Variants in DPYSL2 observed in about 807,000 individuals in gnomAD.
DPYSL2 encodes dihydropyrimidinase like 2, also known as dihydropyrimidinase-related protein 2.
A neutral mutation model predicts 69.9 loss-of-function variants in DPYSL2; 13 were observed. The observed-to-expected ratio is 0.19, with a 90% confidence interval of 0.12 to 0.30. The LOEUF is 0.30. DPYSL2 is among the 10% of genes least tolerant of loss of function. The pLI, the probability that DPYSL2 is intolerant of heterozygous loss-of-function variation, is 1.00. For missense variants in DPYSL2, 587 were observed against 918.9 expected (o/e 0.64, Z 4.67); for synonymous variants, 326 against 359.1 (o/e 0.91, Z 1.04).
chr8:26,643,444 G>C lies in DPYSL2; in HGVS notation c.1132G>C (p.Val378Leu). ...TTGTGTGTTCTGTTTGTCAGGAACT[G>C]TGGTGTATGGCGAGCCCATCACTGC... is the stretch of plus-strand genomic sequence containing the variant. ...VIAQARKKGT[V>L]VYGEPITASL... is the part of the protein sequence containing the mutation. The change falls in exon 9 of 14, where the codon GTG becomes CTG. Residue 378 changes from valine to leucine, a missense_variant. Physicochemically the swap from Val to Leu is conservative, Grantham distance 32 (BLOSUM62 1). Coordinates refer to ENST00000521913, the MANE Select transcript of DPYSL2 (RefSeq NM_001197293.3). This position sits in a 1 kb window ranked among gnomAD's most constrained non-coding sequence, Gnocchi z 6.5. 1 of 1,589,832 alleles carries C rather than the reference G, an allele frequency of 6.3e-7. No homozygotes were observed. Among genetic ancestry groups the C allele is most frequent in the Non-Finnish European group, 8.6e-7 (1 of 1,168,784 alleles).
At chr8:26,618,927 C>T (rs982557177) in intron 3 of DPYSL2, among the ~76,000 whole-genome samples, 1 of 151,988 alleles carries the variant, frequency 6.6e-6, no homozygotes, top group African/African-American at 2.4e-5. Flanking sequence ...CACTGCACTC[C>T]AGCCTGGGCA....
chr8:26,630,043 A>G (rs1264401788), intron 7 of DPYSL2, among the ~76,000 whole-genome samples: 2 of 151,978 alleles, frequency 1.3e-5, no homozygotes, highest in East Asian at 3.8e-4. Context: ...ACATTTTAGC[A>G]TACGCACATG....
At chr8:26,589,883 C>T (rs1406768924) in intron 3 of DPYSL2, among the ~76,000 whole-genome samples, 2 of 152,378 alleles carry the variant, frequency 1.3e-5, no homozygotes, top group East Asian at 3.9e-4. Flanking sequence ...CAGTCATTCC[C>T]CCAGTGCCTT....
At position 26,597,322 on chromosome 8, in the gene DPYSL2, C is replaced by A. The variant is rs1317807216; in HGVS notation, c.628+13339C>A. ...GGGGCCAGATTGAGCTGATTTCTGT[C>A]ACGTAGGCTGCTCCGAGGTTGCCTT... On this transcript the variant is annotated intron_variant, in intron 3 of 13. Coordinates refer to ENST00000521913, the MANE Select transcript of DPYSL2 (RefSeq NM_001197293.3). The surrounding 1 kb of genome is among the most constrained non-coding windows in gnomAD (Gnocchi z 5.2). 2.0e-5 allele frequency among the ~76,000 whole-genome samples: 3 copies of A among 152,222 alleles called. No homozygotes were observed. Among genetic ancestry groups the A allele is most frequent in the Non-Finnish European group, 4.4e-5 (3 of 68,032 alleles).
Position 26,657,580 on chromosome 8 carries a change from T to TA in DPYSL2, c.*1881dup, listed in dbSNP as rs1025168988. Reference sequence around the variant, plus strand: ...TTATTTTAAAGGTAAATTGCACTTTTAAAAAAATAATTGGTTGACTTAATA... The same window carrying TA: ...TTATTTTAAAGGTAAATTGCACTTTTAAAAAAAATAATTGGTTGACTTAATA... On this transcript the variant is annotated 3_prime_UTR_variant, in exon 14 of 14. Coordinates refer to ENST00000521913, the MANE Select transcript of DPYSL2 (RefSeq NM_001197293.3). The TA allele has an allele frequency of 6.6e-6, 1 of 152,608 alleles. No individual in the cohort carries two copies. Among genetic ancestry groups the TA allele is most frequent in the Non-Finnish European group, 1.5e-5 (1 of 68,034 alleles). 9.5% of individuals were successfully genotyped at this position (152,608 alleles called of 1,614,324 possible).
chr8:26,520,461 G>A (rs1421976509), intron 1 of DPYSL2, among the ~76,000 whole-genome samples: 1 of 131,938 alleles, frequency 7.6e-6, no homozygotes, highest in Non-Finnish European at 1.6e-5. Context: ...TTGCAAAAAA[G>A]TTCTGAATGC....
At position 26,647,488 on chromosome 8, in the gene DPYSL2, A is replaced by G; in HGVS notation, c.1426-142A>G. ...GGAGTCATACAGTGTGTGACCTTTG[A>G]GACGGTTTGTGTTTCACTTGGCACA... On this transcript the variant is annotated intron_variant, in intron 10 of 13. Coordinates refer to ENST00000521913, the MANE Select transcript of DPYSL2 (RefSeq NM_001197293.3). The surrounding 1 kb of genome is among the most constrained non-coding windows in gnomAD (Gnocchi z 5.1). The G allele has an allele frequency of 3.5e-6, 3 of 848,782 alleles. No individual in the cohort carries two copies. In the Admixed American group the frequency reaches 7.3e-5, roughly 21 times the overall value. The allele number at this position is 848,782 out of a possible 1,614,324, so 52.6% of individuals were successfully genotyped here.
In DPYSL2 at chr8:26,610,998, A is replaced by C. The variant is rs952089268; in HGVS notation, c.629-13145A>C. Among the ~76,000 whole-genome samples the C allele has an allele frequency of 6.6e-6, 1 of 151,910 alleles. No homozygotes were observed. Among genetic ancestry groups the C allele is most frequent in the African/African-American group, 2.4e-5 (1 of 41,354 alleles). On this transcript the variant is annotated intron_variant, in intron 3 of 13. Transcript: ENST00000521913. This position sits in a 1 kb window ranked among gnomAD's most constrained non-coding sequence, Gnocchi z 4.5. The stretch of plus-strand genomic sequence containing the variant: ...CTGGGGTGTAAACTCAGGCTTTCTG[A>C]CTCCAAAGTTCATATTTTTAATCCC...
rs551119187 is a variant in DPYSL2 at position 26,643,126 on chromosome 8, C to G, written c.1127-313C>G. Reference sequence around the variant, plus strand: ...ACCGGATGCCTGGACACCATCCGAGCAGGAGATTAATGGAATTGAAAATCA... The same window carrying G: ...ACCGGATGCCTGGACACCATCCGAGGAGGAGATTAATGGAATTGAAAATCA... On this transcript the variant is annotated intron_variant, in intron 8 of 13. Transcript: ENST00000521913. The surrounding 1 kb of genome is among the most constrained non-coding windows in gnomAD (Gnocchi z 6.5). 1.9e-4 allele frequency: 53 copies of G among 285,112 alleles called. No individual in the cohort carries two copies. The Admixed American group carries it at 2.4e-3, about 13-fold the overall frequency. The allele number at this position is 285,112 out of a possible 1,614,324, so 17.7% of individuals were successfully genotyped here.
chr8:26,577,873 G>A, intron 1 of DPYSL2: 1 of 1,109,970 alleles, frequency 9.0e-7, no homozygotes, highest in South Asian at 2.3e-5. Flanking sequence ...GAAGCGGATG[G>A]CTTTTGCCTG....
intron 3 of DPYSL2, among the ~76,000 whole-genome samples, chr8:26,589,094 A>G (rs1801665901): frequency 6.6e-6 from 1 of 151,524 alleles, no homozygotes; most frequent in Non-Finnish European, 1.5e-5. Context: ...CCTCTTGCTC[A>G]GAGAATCAGC....
At position 26,591,477 on chromosome 8, in the gene DPYSL2, G is replaced by A. The variant is rs964706234; in HGVS notation, c.628+7494G>A. On this transcript the variant is annotated intron_variant, in intron 3 of 13. Coordinates refer to ENST00000521913, the MANE Select transcript of DPYSL2 (RefSeq NM_001197293.3). The surrounding 1 kb of genome is among the most constrained non-coding windows in gnomAD (Gnocchi z 5.8). ...GCAGAGACTTCTGAGGACAGCGATC[G>A]TGGCCTCTCCATTTTCCTAAGGCCC... 5.9e-5 allele frequency among the ~76,000 whole-genome samples: 9 copies of A among 152,166 alleles called. No homozygotes were observed. Among genetic ancestry groups the A allele is most frequent in the African/African-American group, 1.9e-4 (8 of 41,434 alleles).
rs964484414 is a variant in DPYSL2 at position 26,656,934 on chromosome 8, C to T, written c.*1228C>T. On this transcript the variant is annotated 3_prime_UTR_variant, in exon 14 of 14. Coordinates refer to ENST00000521913, the MANE Select transcript of DPYSL2 (RefSeq NM_001197293.3). ...ACCGAGCCTCATTAACCCAAGTGAA[C>T]CAACCAAAGTCACCAGTTCAGAAGT... 2.6e-5 allele frequency: 4 copies of T among 152,330 alleles called. No homozygotes were observed. Among genetic ancestry groups the T allele is most frequent in the Non-Finnish European group, 4.4e-5 (3 of 68,064 alleles). 9.4% of individuals were successfully genotyped at this position (152,330 alleles called of 1,614,324 possible). A position where few individuals can be genotyped will look rare whatever the true frequency, so the allele number is the denominator to read the frequency against.
intron 10 of DPYSL2, among the ~76,000 whole-genome samples, chr8:26,645,119 G>A (rs1179426579): frequency 1.3e-5 from 2 of 152,058 alleles, no homozygotes; most frequent in Non-Finnish European, 2.9e-5. Context: ...CATACAGCTG[G>A]GCCCACTCCC....
chr8:26,514,306 C>A lies in DPYSL2; in HGVS notation c.-20C>A. The A allele has an allele frequency of 7.0e-7, 1 of 1,436,420 alleles. No homozygotes were observed. Among genetic ancestry groups the A allele is most frequent in the Non-Finnish European group, 9.1e-7 (1 of 1,096,612 alleles). 89.0% of individuals were successfully genotyped at this position (1,436,420 alleles called of 1,614,324 possible). A position where few individuals can be genotyped will look rare whatever the true frequency, so the allele number is the denominator to read the frequency against. ...AGACGGACGGACGGACGGCGAGGAC[C>A]CTACCCGAGCCCCCGAGCCATGGCC... On this transcript the variant is annotated 5_prime_UTR_variant, in exon 1 of 14. Transcript: ENST00000521913. The surrounding 1 kb of genome is among the most constrained non-coding windows in gnomAD (Gnocchi z 8.4).
rs577551125 is a variant in DPYSL2, at chr8:26,597,294, T to C, written c.628+13311T>C. On this transcript the variant is annotated intron_variant, in intron 3 of 13. Coordinates refer to ENST00000521913, the MANE Select transcript of DPYSL2 (RefSeq NM_001197293.3). This position sits in a 1 kb window ranked among gnomAD's most constrained non-coding sequence, Gnocchi z 5.2. ...TGGGAGGCCCGGGAGCCTTCTTCCA[T>C]GCGGGGCCAGATTGAGCTGATTTCT... Among the ~76,000 whole-genome samples, 3 of 152,324 alleles carry C rather than the reference T, an allele frequency of 2.0e-5. No homozygotes were observed. The highest frequency in any genetic ancestry group is 2.9e-5 in the Non-Finnish European group (2 of 68,028).
At chr8:26,548,416 A>G (rs1800816462) in intron 1 of DPYSL2, 1 of 185,682 alleles carries the variant, frequency 5.4e-6, no homozygotes, top group Non-Finnish European at 1.1e-5. Flanking sequence ...GCCCAGGGCT[A>G]GAAGAGAAAT....
At chr8:26,577,891 A>C in intron 1 of DPYSL2, 2 of 1,134,496 alleles carry the variant, frequency 1.8e-6, no homozygotes, top group South Asian at 4.2e-5. Context: ...CTGAGAGGAA[A>C]GGGAGTGGCT....
chr8:26,643,412 C>T lies in DPYSL2; in HGVS notation c.1127-27C>T. The T allele has an allele frequency of 6.4e-7, 1 of 1,563,102 alleles. No individual in the cohort carries two copies. The highest frequency in any genetic ancestry group is 8.6e-7 in the Non-Finnish European group (1 of 1,156,554). On this transcript the variant is annotated intron_variant, in intron 8 of 13. Coordinates refer to ENST00000521913, the MANE Select transcript of DPYSL2 (RefSeq NM_001197293.3). This position sits in a 1 kb window ranked among gnomAD's most constrained non-coding sequence, Gnocchi z 6.5. The stretch of plus-strand genomic sequence containing the variant: ...TCCCTTCCCCCTGCATTGTGTTGGA[C>T]TGAACCTTGTGTGTTCTGTTTGTCA...
Sources: allele counts gnomAD v4.1 joint callset (sites outside exome capture counted in the v4.1 genomes callset), GRCh38; gene constraint gnomAD v4.1.1; non-coding constraint Gnocchi (gnomAD v3.1); transcripts MANE v1.5; gene names NCBI Gene and HGNC (gene_info 2026-07-23, HGNC 2026-07-21).